Variants in UTRN observed in about 807,000 individuals in gnomAD.
UTRN encodes the protein dystrophin-related protein 1.
UTRN carries 283 observed loss-of-function variants against 463.9 expected under a neutral mutation model. The ratio of observed to expected loss-of-function variants is 0.61; its 90% CI spans 0.55 to 0.67. The LOEUF (loss-of-function observed/expected upper bound fraction) is 0.67. UTRN is among the 30% of genes least tolerant of loss of function. The pLI, the probability that UTRN is intolerant of heterozygous loss-of-function variation, is 0.00. For missense variants in UTRN, 3,922 were observed against 4,084.3 expected, an observed-to-expected ratio of 0.96 and a Z score of 1.08; for synonymous variants, 1,442 against 1,431.5, an observed-to-expected ratio of 1.01 and a Z score of -0.17.
At position 144,490,857 on chromosome 6, in the gene UTRN, G is replaced by A. The variant is rs771363978; in HGVS notation, c.4264-72G>A. 3.1e-4 allele frequency: 448 copies of A among 1,449,266 alleles called. 1 individual carries two copies. The highest frequency in any genetic ancestry group is 3.9e-4 in the Non-Finnish European group (424 of 1,093,032). The allele number at this position is 1,449,266 out of a possible 1,614,324, so 89.8% of individuals were successfully genotyped here. A position where few individuals can be genotyped will look rare whatever the true frequency, so the allele number is the denominator to read the frequency against. ...TACTTTATGGTACAAATTTTTAGTA[G>A]TATCTGTTATGCTCATGATGAGAGA... On this transcript the variant is annotated intron_variant, in intron 31 of 74. Transcript: ENST00000367545.
intron 51 of UTRN, among the ~76,000 whole-genome samples, chr6:144,667,939 G>C (rs1780596215): frequency 6.6e-6 from 1 of 152,166 alleles, no homozygotes; most frequent in Non-Finnish European, 1.5e-5. Flanking sequence ...AACAATCTCA[G>C]AGTTTTTATT....
intron 17 of UTRN, among the ~76,000 whole-genome samples, chr6:144,451,030 T>C (rs1318302203): frequency 6.6e-6 from 1 of 152,086 alleles, no homozygotes; most frequent in Admixed American, 6.6e-5. Context: ...GGAGAATCCT[T>C]TGAATCTGGA....
intron 51 of UTRN, among the ~76,000 whole-genome samples, chr6:144,602,730 C>CATGA: frequency 1.3e-5 from 2 of 152,286 alleles, no homozygotes; most frequent in Middle Eastern, 3.4e-3. Flanking sequence ...GAACACTGAA[C>CATGA]ACTTTCAGTG....
intron 64 of UTRN, among the ~76,000 whole-genome samples, chr6:144,800,003 A>G (rs1777570540): frequency 6.6e-6 from 1 of 152,238 alleles, no homozygotes; most frequent in African/African-American, 2.4e-5. Flanking sequence ...TACTCTGGAT[A>G]TAAACGGTAA....
At chr6:144,718,612 G>A (rs1786762415) in intron 53 of UTRN, among the ~76,000 whole-genome samples, 1 of 152,238 alleles carries the variant, frequency 6.6e-6, no homozygotes, top group South Asian at 2.1e-4. Context: ...CATGAGCACA[G>A]GATGAGTAAG....
At chr6:144,423,675 T>C (rs1369090965) in intron 5 of UTRN, 49 bp downstream of exon 5, 1 of 1,599,124 alleles carries the variant, frequency 6.3e-7, no homozygotes, top group African/African-American at 1.3e-5. Flanking sequence ...ATCAGCATTA[T>C]TTATTGTGAA....
chr6:144,302,450 T>C (rs2473150), intron 2 of UTRN, among the ~76,000 whole-genome samples: 28,661 of 150,598 alleles, frequency 0.19, 4,250 homozygotes, highest in African/African-American at 0.41. Flanking sequence ...GCAGAGGTTG[T>C]AGTGAGACGA....
At chr6:144,451,787 AC>A (rs34320385) in intron 18 of UTRN, among the ~76,000 whole-genome samples, 1 of 152,056 alleles carries the variant, frequency 6.6e-6, no homozygotes, top group South Asian at 2.1e-4. Flanking sequence ...AGTTTAGATC[AC>A]CCTTAATCTG....
At chr6:144,337,194 CCACACACACACA>C (rs772582196) in intron 2 of UTRN, among the ~76,000 whole-genome samples, 8 of 126,782 alleles carry the variant, frequency 6.3e-5, no homozygotes, top group African/African-American at 2.0e-4. Flanking sequence ...CACACACACA[CCACACACACACA>C]CACACACACA....
chr6:144,410,390 G>A (rs1783779225), intron 3 of UTRN, among the ~76,000 whole-genome samples: 1 of 152,136 alleles, frequency 6.6e-6, no homozygotes, highest in African/African-American at 2.4e-5. Flanking sequence ...TATGCATAAA[G>A]AGTCAGAGCT....
intron 3 of UTRN, among the ~76,000 whole-genome samples, chr6:144,412,785 A>ACG (rs1784031648): frequency 6.6e-6 from 1 of 150,622 alleles, no homozygotes; most frequent in African/African-American, 2.5e-5. Context: ...ACACACACAC[A>ACG]CACACAGTAA....
At chr6:144,518,343 A>G (rs944358398) in intron 39 of UTRN, among the ~76,000 whole-genome samples, 17 of 152,208 alleles carry the variant, frequency 1.1e-4, no homozygotes, top group Non-Finnish European at 1.6e-4. Flanking sequence ...AAGGTCTGTC[A>G]ATATAACGAC....
chr6:144,654,099 TGTAA>T (rs1012421184), intron 51 of UTRN, among the ~76,000 whole-genome samples: 3 of 152,164 alleles, frequency 2.0e-5, no homozygotes, highest in Non-Finnish European at 1.5e-5. Flanking sequence ...AAACCATAGT[TGTAA>T]GTGTGAGTGG....
chr6:144,804,333 G>T (rs1266638378), intron 65 of UTRN, among the ~76,000 whole-genome samples: 16 of 152,096 alleles, frequency 1.1e-4, no homozygotes, highest in Non-Finnish European at 1.5e-5. Context: ...CCAGGAAAAA[G>T]AAATCTCCCC....
chr6:144,823,191 GA>G (rs1779750258), intron 66 of UTRN, among the ~76,000 whole-genome samples: 1 of 151,768 alleles, frequency 6.6e-6, no homozygotes, highest in East Asian at 1.9e-4. Flanking sequence ...GAAAACAAGA[GA>G]AAAAAAGGAA....
At chr6:144,819,885 C>A (rs1779416671) in intron 65 of UTRN, among the ~76,000 whole-genome samples, 1 of 122,192 alleles carries the variant, frequency 8.2e-6, no homozygotes, top group Non-Finnish European at 1.7e-5. Context: ...CCGCCTCCTC[C>A]TCCTCCTCCT....
intron 65 of UTRN, among the ~76,000 whole-genome samples, chr6:144,819,609 G>T (rs1442180434): frequency 6.6e-6 from 1 of 152,020 alleles, no homozygotes; most frequent in African/African-American, 2.4e-5. Flanking sequence ...ACGAGAATCG[G>T]CTGAACTTGG....
chr6:144,364,453 G>A (rs140838903), intron 2 of UTRN, among the ~76,000 whole-genome samples: 5,130 of 152,188 alleles, frequency 0.034, 117 homozygotes, highest in Middle Eastern at 0.048. Context: ...GTGTGTGGGT[G>A]CTAATGTACT....
chr6:144,690,022 TACTCTGGTGTCCC>T (rs375160956), intron 52 of UTRN, among the ~76,000 whole-genome samples: 68 of 149,044 alleles, frequency 4.6e-4, no homozygotes, highest in African/African-American at 1.5e-3. Flanking sequence ...CCAGGGGAGG[TACTCTGGTGTCCC>T]AAGCAATGGG....
Sources: allele counts gnomAD v4.1 joint callset (sites outside exome capture counted in the v4.1 genomes callset), GRCh38; gene constraint gnomAD v4.1.1; transcripts MANE v1.5; gene names NCBI Gene and HGNC (gene_info 2026-07-23, HGNC 2026-07-21).